Variants in ITPR2 observed in about 807,000 individuals in gnomAD.
ITPR2 encodes the protein inositol 1,4,5-trisphosphate-gated calcium channel ITPR2.
ITPR2 carries 207 observed loss-of-function variants against 317.1 expected under a neutral mutation model. That is an observed-to-expected ratio of 0.65 (90% CI 0.58 to 0.73). The LOEUF (loss-of-function observed/expected upper bound fraction) is 0.73. Among genes scored for constraint, ITPR2 ranks in the 30% least tolerant of loss-of-function variants. ITPR2 has a pLI of 0.00. For synonymous variants in ITPR2, 1,156 were observed against 1,149.1 expected (o/e 1.01, Z -0.12); for missense variants, 2,613 against 3,284.0 (o/e 0.80, Z 4.99).
At chr12:26,738,433 A>G (rs568803811) in intron 2 of ITPR2, among the ~76,000 whole-genome samples, 2 of 152,216 alleles carry the variant, frequency 1.3e-5, no homozygotes, top group South Asian at 4.2e-4. Context: ...AACATGGTGG[A>G]CAGGCCATGG....
At chr12:26,760,360 AT>A (rs1319257027) in intron 2 of ITPR2, among the ~76,000 whole-genome samples, 1 of 152,184 alleles carries the variant, frequency 6.6e-6, no homozygotes, top group East Asian at 1.9e-4. Flanking sequence ...ATTTTATTTA[AT>A]TTCTAAATAA....
rs192441619 is a variant in ITPR2, at chr12:26,655,575, C to G, written c.2589+133G>C. The G allele has an allele frequency of 9.2e-5, 61 of 660,156 alleles. 1 individual carries two copies. In the African/African-American group the frequency reaches 1.0e-3, roughly 11 times the overall value. The allele number at this position is 660,156 out of a possible 1,614,324, so 40.9% of individuals were successfully genotyped here. A position where few individuals can be genotyped will look rare whatever the true frequency, so the allele number is the denominator to read the frequency against. ...CTTGCAGTGAGCCGAGATCATGCCA[C>G]TGCACTCCAGCCTGGGCGACCGAGT... On this transcript the variant is annotated intron_variant, in intron 20 of 56. Transcript: ENST00000381340.
intron 45 of ITPR2, among the ~76,000 whole-genome samples, chr12:26,450,059 G>A (rs1243164335): frequency 6.6e-6 from 1 of 152,114 alleles, no homozygotes; most frequent in Non-Finnish European, 1.5e-5. Context: ...AATGACACAG[G>A]AGAGACTGGG....
Position 26,621,177 on chromosome 12 carries a change from A to G in ITPR2, c.3408T>C (p.Tyr1136=). ...GACTTTCCCCTATTTCTCCATTCTC[A>G]TAGTTGCTGCTCTTCTCCACCCATA... ...SELWVEKSSN[Y]ENGEIGESQV... is the part of the protein sequence containing the mutation. Residue 1136 remains tyrosine (Y), a synonymous_variant, in exon 26 of 57, where the codon TAT becomes TAC. Transcript: ENST00000381340. The G allele has an allele frequency of 2.5e-6, 4 of 1,613,464 alleles. No individual in the cohort carries two copies. The highest frequency in any genetic ancestry group is 2.5e-6 in the Non-Finnish European group (3 of 1,179,526).
intron 13 of ITPR2, among the ~76,000 whole-genome samples, chr12:26,678,888 T>C (rs541866460): frequency 6.6e-6 from 1 of 152,310 alleles, no homozygotes; most frequent in African/African-American, 2.4e-5. Context: ...CCAGCAATGG[T>C]GGAGAGACCA....
intron 1 of ITPR2, chr12:26,801,222 G>A: frequency 6.4e-6 from 1 of 156,056 alleles, no homozygotes; most frequent in Non-Finnish European, 1.4e-5. Flanking sequence ...ATCAGGGATG[G>A]CCACTGAAGG....
intron 55 of ITPR2, among the ~76,000 whole-genome samples, chr12:26,346,440 T>C (rs1372941034): frequency 1.3e-5 from 2 of 152,092 alleles, no homozygotes; most frequent in African/African-American, 4.8e-5. Context: ...CTGGCCATCA[T>C]GGTGAAACCC....
intron 2 of ITPR2, among the ~76,000 whole-genome samples, chr12:26,761,705 G>A (rs915218629): frequency 1.3e-5 from 2 of 152,316 alleles, no homozygotes; most frequent in Middle Eastern, 3.4e-3. Context: ...ACTGAGGCAG[G>A]AGGATCACTT....
At chr12:26,487,562 AT>A (rs1370389584) in intron 39 of ITPR2, among the ~76,000 whole-genome samples, 1 of 152,204 alleles carries the variant, frequency 6.6e-6, no homozygotes, top group Non-Finnish European at 1.5e-5. Flanking sequence ...GAATTCTTTG[AT>A]TTTTATATTA....
At chr12:26,664,809 C>T (rs1947585836) in intron 14 of ITPR2, among the ~76,000 whole-genome samples, 1 of 151,820 alleles carries the variant, frequency 6.6e-6, no homozygotes, top group South Asian at 2.1e-4. Flanking sequence ...AATAATTACT[C>T]GAAAAAAGTC....
intron 37 of ITPR2, among the ~76,000 whole-genome samples, chr12:26,502,281 AGAAT>A (rs1228122661): frequency 2.6e-5 from 4 of 152,262 alleles, no homozygotes; most frequent in Non-Finnish European, 4.4e-5. Context: ...ATAGGACTTA[AGAAT>A]GGATTTTACT....
chr12:26,343,956 G>A (rs183667088), intron 55 of ITPR2, among the ~76,000 whole-genome samples: 50 of 152,282 alleles, frequency 3.3e-4, no homozygotes, highest in African/African-American at 9.4e-4. Context: ...TTTAATTGGC[G>A]TTGTAACAGT....
intron 35 of ITPR2, among the ~76,000 whole-genome samples, chr12:26,556,816 C>T (rs1944677485): frequency 6.6e-6 from 1 of 150,644 alleles, no homozygotes; most frequent in Non-Finnish European, 1.5e-5. Context: ...CGGTGCCTCA[C>T]GCATGTAATC....
chr12:26,350,924 C>A (rs1218757456), intron 55 of ITPR2, among the ~76,000 whole-genome samples: 1 of 152,236 alleles, frequency 6.6e-6, no homozygotes, highest in Non-Finnish European at 1.5e-5. Flanking sequence ...TGGGGTCCTG[C>A]CCATTCCCAG....
chr12:26,599,475 T>C (rs1046260440), intron 29 of ITPR2, 130 bp from the exon 30 acceptor site: 1 of 786,828 alleles, frequency 1.3e-6, no homozygotes, highest in African/African-American at 1.7e-5. Flanking sequence ...TTTCTGTGCA[T>C]GTCTTTCAAA....
chr12:26,578,700 A>G lies in ITPR2; in HGVS notation c.4630+13T>C. The G allele has an allele frequency of 6.3e-7, 1 of 1,586,038 alleles. No homozygotes were observed. Among genetic ancestry groups the G allele is most frequent in the Non-Finnish European group, 8.6e-7 (1 of 1,160,402 alleles). On this transcript the variant is annotated intron_variant, in intron 34 of 56. Coordinates refer to ENST00000381340, the MANE Select transcript of ITPR2 (RefSeq NM_002223.4). ...GAAATGTAAAAATAAGTAAAACTCA[A>G]ACTATGACTTACCCACTTCAGCCAA... is the stretch of plus-strand genomic sequence containing the variant.
intron 1 of ITPR2, 77 bp downstream of exon 1, chr12:26,832,613 G>T: frequency 8.8e-7 from 1 of 1,131,710 alleles, no homozygotes; most frequent in Non-Finnish European, 1.3e-6. Context: ...CGGGAGGACC[G>T]GGCGGCGGAG....
At chr12:26,647,478 T>C (rs1487695600) in intron 21 of ITPR2, among the ~76,000 whole-genome samples, 3 of 152,256 alleles carry the variant, frequency 2.0e-5, no homozygotes, top group African/African-American at 7.2e-5. Context: ...GTATATCCTT[T>C]AGCAAGTATA....
intron 1 of ITPR2, among the ~76,000 whole-genome samples, chr12:26,829,024 T>A (rs2881006): frequency 0.28 from 42,483 of 152,086 alleles, 6,125 homozygotes; most frequent in Non-Finnish European, 0.32. Flanking sequence ...TAAATGTAAT[T>A]CTTAGAAGAA....
Sources: gnomAD v4.1 joint callset for allele counts (sites outside exome capture counted in the v4.1 genomes callset) on GRCh38, gnomAD v4.1.1 for gene constraint, MANE v1.5 for transcripts, NCBI Gene and HGNC (gene_info 2026-07-23, HGNC 2026-07-21) for gene names.